Variants in PALM2AKAP2 observed in about 807,000 individuals in gnomAD.
PALM2AKAP2 encodes the protein PALM2-AKAP2 fusion protein.
A neutral mutation model predicts 71.5 loss-of-function variants in PALM2AKAP2; 37 were observed. The observed-to-expected ratio is 0.52, with a 90% CI of 0.40 to 0.68. PALM2AKAP2 has a LOEUF of 0.68. Ranked by LOEUF, PALM2AKAP2 falls within the 30% of genes least tolerant of loss-of-function variation. The pLI, the probability that PALM2AKAP2 is intolerant of heterozygous loss-of-function variation, is 0.00. For synonymous variants in PALM2AKAP2, 468 were observed against 478.8 expected, an observed-to-expected ratio of 0.98 and a Z score of 0.29; for missense variants, 1,224 against 1,191.8, an observed-to-expected ratio of 1.03 and a Z score of -0.40.
At chr9:109,773,552 G>T (rs12347289) in intron 1 of PALM2AKAP2, among the ~76,000 whole-genome samples, 75,805 of 151,950 alleles carry the variant, frequency 0.5, 20,892 homozygotes, top group African/African-American at 0.73. Flanking sequence ...AGTTCTCAGA[G>T]CACTTTCTCA....
At chr9:109,919,993 A>G (rs565563417) in intron 3 of PALM2AKAP2, among the ~76,000 whole-genome samples, 7 of 152,196 alleles carry the variant, frequency 4.6e-5, no homozygotes, top group Admixed American at 1.3e-4. Context: ...CCTGAAACCC[A>G]TAGGGCCAGG....
chr9:109,992,703 A>T (rs1832507520), intron 6 of PALM2AKAP2, among the ~76,000 whole-genome samples: 1 of 152,086 alleles, frequency 6.6e-6, no homozygotes. Context: ...TTTTCAAAAT[A>T]CTTGAAGAGG....
chr9:109,869,671 A>ATCCATCCATCCATCCATCCATCCG (rs1564188855), intron 2 of PALM2AKAP2, among the ~76,000 whole-genome samples: 1 of 151,860 alleles, frequency 6.6e-6, no homozygotes, highest in Non-Finnish European at 1.5e-5. Flanking sequence ...CCATCCATCC[A>ATCCATCCATCCATCCATCCATCCG]TCCAATCAAC....
chr9:109,846,653 A>G (rs551513137), intron 1 of PALM2AKAP2, among the ~76,000 whole-genome samples: 18 of 152,332 alleles, frequency 1.2e-4, no homozygotes, highest in Non-Finnish European at 2.6e-4. Context: ...AGTAAGGACC[A>G]TGCAGTCTTC....
chr9:110,141,721 G>A (rs140908810), intron 2 of PALM2AKAP2, among the ~76,000 whole-genome samples: 1 of 152,202 alleles, frequency 6.6e-6, no homozygotes, highest in Non-Finnish European at 1.5e-5. Context: ...CTAGTTTGTT[G>A]TGTGACTCAG....
intron 3 of PALM2AKAP2, among the ~76,000 whole-genome samples, chr9:109,909,517 G>T (rs572643062): frequency 1.3e-5 from 2 of 152,300 alleles, no homozygotes; most frequent in Admixed American, 6.5e-5. Context: ...CCAGCTAGAT[G>T]CTAGAAGCCA....
At chr9:109,850,168 G>A (rs957540790) in intron 1 of PALM2AKAP2, among the ~76,000 whole-genome samples, 2 of 152,262 alleles carry the variant, frequency 1.3e-5, no homozygotes, top group East Asian at 1.9e-4. Flanking sequence ...TGTTGCCTGC[G>A]ATTCAAAGCT....
chr9:109,924,970 A>AGAAAGATGGGTTAAGTCTT lies in PALM2AKAP2; in HGVS notation c.373-90_373-72dup, dbSNP rs530876904. The AGAAAGATGGGTTAAGTCTT allele has an allele frequency of 1.7e-4, 264 of 1,589,616 alleles. No individual in the cohort carries two copies. In the African/African-American group the frequency reaches 3.1e-3, roughly 19 times the overall value. ...GTCAAATTCTGGGCTGGGGCATGGG[A>AGAAAGATGGGTTAAGTCTT]GAAAGATGGGTTAAGTCTTTAAAGA... is the stretch of plus-strand genomic sequence containing the variant. On this transcript the variant is annotated intron_variant, in intron 4 of 9. Transcript: ENST00000302798.
intron 1 of PALM2AKAP2, among the ~76,000 whole-genome samples, chr9:109,802,630 C>T (rs1217263811): frequency 6.6e-6 from 1 of 152,156 alleles, no homozygotes; most frequent in Non-Finnish European, 1.5e-5. Flanking sequence ...CCTTTGCCTC[C>T]AGCCTGTCAA....
chr9:109,657,533 G>A (rs148348825), intron 1 of PALM2AKAP2, among the ~76,000 whole-genome samples: 18 of 151,502 alleles, frequency 1.2e-4, no homozygotes, highest in Admixed American at 4.0e-4. Context: ...GAAATACAGC[G>A]GAAGAGAGGA....
intron 6 of PALM2AKAP2, among the ~76,000 whole-genome samples, chr9:109,994,891 G>C (rs1161621144): frequency 6.6e-6 from 1 of 152,048 alleles, no homozygotes; most frequent in Non-Finnish European, 1.5e-5. Flanking sequence ...TGCGAGTCAG[G>C]GGCTCTCTTG....
At chr9:109,654,750 GGTGTGT>G (rs374397482) in intron 1 of PALM2AKAP2, among the ~76,000 whole-genome samples, 4 of 147,194 alleles carry the variant, frequency 2.7e-5, no homozygotes, top group African/African-American at 7.5e-5. Flanking sequence ...GTATGTGTAT[GGTGTGT>G]GTGTGTGTGT....
chr9:109,991,940 T>C (rs1464195709), intron 6 of PALM2AKAP2, among the ~76,000 whole-genome samples: 2 of 152,196 alleles, frequency 1.3e-5, no homozygotes, highest in African/African-American at 4.8e-5. Flanking sequence ...TAGCTCAGTG[T>C]CGAGAAGAAC....
chr9:110,074,220 C>A (rs1394099566), intron 1 of PALM2AKAP2, among the ~76,000 whole-genome samples: 1 of 152,192 alleles, frequency 6.6e-6, no homozygotes, highest in Non-Finnish European at 1.5e-5. Context: ...GGCATGATAG[C>A]TCACACCTAT....
At chr9:109,919,737 G>A (rs3063832) in intron 3 of PALM2AKAP2, among the ~76,000 whole-genome samples, 91,822 of 132,876 alleles carry the variant, frequency 0.69, 27,999 homozygotes, top group Admixed American at 0.72. Context: ...GTATACATAT[G>A]TGTGTGTGTG....
At chr9:110,097,950 G>A (rs1834893974) in intron 1 of PALM2AKAP2, among the ~76,000 whole-genome samples, 1 of 142,982 alleles carries the variant, frequency 7.0e-6, no homozygotes, top group African/African-American at 2.9e-5. Flanking sequence ...CTCGTGGTAA[G>A]GAGCTGGAGA....
intron 3 of PALM2AKAP2, among the ~76,000 whole-genome samples, chr9:109,897,446 G>A (rs2131836519): frequency 6.6e-6 from 1 of 152,194 alleles, no homozygotes; most frequent in Admixed American, 6.5e-5. Flanking sequence ...CGGGCATGGT[G>A]GCGGGTGCCT....
rs1488448999 is a variant in PALM2AKAP2, at chr9:109,845,116, T to C, written c.46-22375T>C. On this transcript the variant is annotated intron_variant, in intron 1 of 9. Transcript: ENST00000302798. ...ACTACAGCTGCCTCTGCTTACTAAG[T>C]GCATTTGAAGAGTCCTCTGCTTTAT... Among the ~76,000 whole-genome samples the C allele has an allele frequency of 6.6e-5, 10 of 152,356 alleles. No homozygotes were observed. In the East Asian group the frequency reaches 1.9e-3, roughly 29 times the overall value.
At chr9:110,079,310 A>G (rs1032339181) in intron 1 of PALM2AKAP2, among the ~76,000 whole-genome samples, 1 of 152,134 alleles carries the variant, frequency 6.6e-6, no homozygotes. Flanking sequence ...AGCCTGGCCA[A>G]CGTGGCGAAA....
Sources: gnomAD v4.1 joint callset for allele counts (sites outside exome capture counted in the v4.1 genomes callset) on GRCh38, gnomAD v4.1.1 for gene constraint, MANE v1.5 for transcripts, NCBI Gene and HGNC (gene_info 2026-07-23, HGNC 2026-07-21) for gene names.